UGT1A4: variants seen among roughly 807,000 people sequenced by gnomAD.
UGT1A4 encodes the protein UDP-glucuronosyltransferase 1A4.
UGT1A4 carries 32 observed loss-of-function variants against 41.1 expected under a neutral mutation model. The observed-to-expected ratio is 0.78, with a 90% CI of 0.59 to 1.05. The LOEUF (loss-of-function observed/expected upper bound fraction) is 1.05. UGT1A4 is among the 50% of genes least tolerant of loss of function. The pLI is 0.00. For synonymous variants in UGT1A4, 283 were observed against 265.1 expected, an observed-to-expected ratio of 1.07 and a Z score of -0.66; for missense variants, 748 against 677.4, an observed-to-expected ratio of 1.10 and a Z score of -1.16.
In UGT1A4 at chr2:233,742,835, A is replaced by G. The variant is rs1692114452; in HGVS notation, c.867+23148A>G. 10 of 157,840 alleles carry G rather than the reference A, an allele frequency of 6.3e-5. No individual in the cohort carries two copies. In the South Asian group the frequency reaches 1.7e-3, roughly 27 times the overall value. 9.8% of individuals were successfully genotyped at this position (157,840 alleles called of 1,614,324 possible). A position where few individuals can be genotyped will look rare whatever the true frequency, so the allele number is the denominator to read the frequency against. ...TATTATTTGTAGATTTCACCACTAC[A>G]CACTAAACAATAAAGTCAAATGATT... On this transcript the variant is annotated intron_variant, in intron 1 of 4. Coordinates refer to ENST00000373409, the MANE Select transcript of UGT1A4 (RefSeq NM_007120.3).
chr2:233,737,522 C>T (rs1286705932), intron 1 of UGT1A4, among the ~76,000 whole-genome samples: 9 of 152,174 alleles, frequency 5.9e-5, no homozygotes, highest in African/African-American at 9.7e-5. Context: ...CTAGGTGAGG[C>T]GACGCCCTGC....
chr2:233,757,956 G>C (rs1696761467), intron 1 of UGT1A4, among the ~76,000 whole-genome samples: 1 of 152,144 alleles, frequency 6.6e-6, no homozygotes, highest in Admixed American at 6.5e-5. Flanking sequence ...CTGCCCTGCT[G>C]TGTGATTTCT....
At chr2:233,760,902 C>T (rs1400244302) in intron 1 of UGT1A4, 7 of 1,613,974 alleles carry the variant, frequency 4.3e-6, no homozygotes, top group Non-Finnish European at 5.9e-6. Context: ...ATCACATGAC[C>T]TTCCTGCAGC....
intron 1 of UGT1A4, chr2:233,721,603 G>A: frequency 5.7e-6 from 1 of 176,650 alleles, no homozygotes; most frequent in Non-Finnish European, 1.2e-5. Context: ...TCAGGTTTAG[G>A]AACAATTTGT....
intron 1 of UGT1A4, chr2:233,729,951 C>A (rs1214180861): frequency 6.2e-7 from 1 of 1,613,942 alleles, no homozygotes; most frequent in East Asian, 2.2e-5. Context: ...ACATGGTCTT[C>A]ATTGGGGGCA....
intron 1 of UGT1A4, among the ~76,000 whole-genome samples, chr2:233,766,331 T>C (rs1699119647): frequency 6.6e-6 from 1 of 152,150 alleles, no homozygotes; most frequent in African/African-American, 2.4e-5. Context: ...CTCCGCGTTG[T>C]TCTGCTGGTC....
intron 1 of UGT1A4, among the ~76,000 whole-genome samples, chr2:233,744,317 G>C (rs1444655221): frequency 6.6e-6 from 1 of 151,846 alleles, no homozygotes; most frequent in East Asian, 1.9e-4. Flanking sequence ...GAAGAGGGTG[G>C]TGGGAGTGAG....
intron 1 of UGT1A4, among the ~76,000 whole-genome samples, chr2:233,746,651 T>C (rs1051352282): frequency 6.6e-6 from 1 of 151,816 alleles, no homozygotes; most frequent in African/African-American, 2.4e-5. Context: ...CTTGGCTTTC[T>C]GTCCCGAGTT....
At chr2:233,727,747 T>A (rs1157113585) in intron 1 of UGT1A4, among the ~76,000 whole-genome samples, 1 of 152,214 alleles carries the variant, frequency 6.6e-6, no homozygotes, top group Non-Finnish European at 1.5e-5. Flanking sequence ...ATCCTGCGTG[T>A]GCTGCCCTTG....
At chr2:233,766,428 A>G (rs1336103880) in intron 1 of UGT1A4, among the ~76,000 whole-genome samples, 1 of 152,116 alleles carries the variant, frequency 6.6e-6, no homozygotes, top group African/African-American at 2.4e-5. Context: ...CCCGATGTCC[A>G]GCTACCTGTG....
intron 1 of UGT1A4, chr2:233,747,078 A>G (rs1246065129): frequency 1.2e-5 from 13 of 1,085,828 alleles, no homozygotes; most frequent in Admixed American, 7.9e-5. Context: ...ATAATTAACT[A>G]GGAGGAGAGC....
chr2:233,760,910 A>G (rs1375729895), intron 1 of UGT1A4: 2 of 1,614,074 alleles, frequency 1.2e-6, no homozygotes, highest in Non-Finnish European at 1.7e-6. Context: ...ACCTTCCTGC[A>G]GCGGGTGAAG....
Position 233,772,664 on chromosome 2 carries a change from C to G in UGT1A4, c.*105C>G, listed in dbSNP as rs1700540961. 1.9e-6 allele frequency: 3 copies of G among 1,539,532 alleles called. No individual in the cohort carries two copies. Among genetic ancestry groups the G allele is most frequent in the Non-Finnish European group, 2.6e-6 (3 of 1,144,204 alleles). ...TCATTTTATTCTTATTAAGGAAATA[C>G]TTTGCATAAATTAATCAGCCCCAGA... On this transcript the variant is annotated 3_prime_UTR_variant, in exon 5 of 5. Coordinates refer to ENST00000373409, the MANE Select transcript of UGT1A4 (RefSeq NM_007120.3).
rs67292694 is a variant in UGT1A4, at chr2:233,757,535, A to AATATATATATATATATAT, written c.868-9490_868-9473dup. Among the ~76,000 whole-genome samples the AATATATATATATATATAT allele has an allele frequency of 4.3e-3, 380 of 88,202 alleles. 7 individuals carry two copies. The highest frequency in any genetic ancestry group is 0.012 in the Middle Eastern group (2 of 172). The allele number at this position is 88,202 out of a possible 152,430, so 57.9% of individuals were successfully genotyped here. ...CAAAGCCAAAATCTTGCCTGTAAGG[A>AATATATATATATATATAT]ATATATATATATATATATATATATA... On this transcript the variant is annotated intron_variant, in intron 1 of 4. Transcript: ENST00000373409.
rs368511777 is a variant in UGT1A4, at chr2:233,719,318, G to C, written c.498G>C (p.Ser166=). Residue 166 remains serine (S), a synonymous_variant, in exon 1 of 5, where the codon TCG becomes TCC. Transcript: ENST00000373409. ...GGGCGGTGCTGGCTAAGTACCTGTC[G>C]ATTCCTGCTGTGTTTTTTTGGAGGT... ...LCGAVLAKYL[S]IPAVFFWRYI... is the part of the protein sequence containing the mutation. The C allele has an allele frequency of 5.0e-6, 8 of 1,613,836 alleles. No homozygotes were observed. The highest frequency in any genetic ancestry group is 1.3e-5 in the African/African-American group (1 of 74,912).
rs558770255 is a variant in UGT1A4, at chr2:233,763,535, G to A, written c.868-3499G>A. Among the ~76,000 whole-genome samples the A allele has an allele frequency of 7.2e-5, 11 of 152,022 alleles. No homozygotes were observed. The East Asian group carries it at 9.7e-4, about 13-fold the overall frequency. ...TTGACTTTGCCATTCTCCTTTTTCC[G>A]GATTTCTACTGGTTGGTCAAGTTAC... On this transcript the variant is annotated intron_variant, in intron 1 of 4. Coordinates refer to ENST00000373409, the MANE Select transcript of UGT1A4 (RefSeq NM_007120.3).
At chr2:233,743,379 G>A (rs553930129) in intron 1 of UGT1A4, 50 of 1,176,986 alleles carry the variant, frequency 4.2e-5, no homozygotes, top group South Asian at 3.5e-4. Flanking sequence ...CATCACTACC[G>A]TAGGACATGC....
At position 233,769,854 on chromosome 2, in the gene UGT1A4, T is replaced by G; in HGVS notation, c.1307+1415T>G. ...ACCTGGGCAACAGAGTGAGACCCTG[T>G]CTCAAAAAAAAAAAAAAAAATGAAA... On this transcript the variant is annotated intron_variant, in intron 4 of 4. Coordinates refer to ENST00000373409, the MANE Select transcript of UGT1A4 (RefSeq NM_007120.3). This position sits in a 1 kb window ranked among gnomAD's most constrained non-coding sequence, Gnocchi z 4.4. The G allele has an allele frequency of 2.3e-6, 1 of 426,362 alleles. No homozygotes were observed. Among genetic ancestry groups the G allele is most frequent in the Non-Finnish European group, 3.7e-6 (1 of 266,728 alleles). The allele number at this position is 426,362 out of a possible 1,614,324, so 26.4% of individuals were successfully genotyped here.
chr2:233,771,327 C>T (rs1000719908), intron 4 of UGT1A4: 1 of 152,118 alleles, frequency 6.6e-6, no homozygotes, highest in African/African-American at 2.4e-5. Context: ...TCTTCAATCT[C>T]CTCTTCATTC....
Sources: allele counts gnomAD v4.1 joint callset (sites outside exome capture counted in the v4.1 genomes callset), GRCh38; gene constraint gnomAD v4.1.1; non-coding constraint Gnocchi (gnomAD v3.1); transcripts MANE v1.5; gene names NCBI Gene and HGNC (gene_info 2026-07-23, HGNC 2026-07-21).